Variants in OR11A1 observed in about 807,000 individuals in gnomAD.
OR11A1 encodes olfactory receptor 11A1.
For synonymous variants in OR11A1, 158 were observed against 152.2 expected (o/e 1.04, Z -0.28); for missense variants, 380 against 378.2 (o/e 1.00, Z -0.04).
In OR11A1 at chr6:29,427,139, C is replaced by A. The variant is rs1354315360; in HGVS notation, c.503G>T (p.Arg168Met). Residue 168 changes from arginine (R) to methionine (M), a missense_variant, in exon 5 of 5, where the codon AGG becomes ATG. Transcript: ENST00000377149. ...GLVVALVAQL[R>M]FCGPNHIDQF... ...GTCAATGTGGTTGGGGCCACAGAAC[C>A]TCAGCTGGGCCACCAGGGCCACAAC... 6.2e-7 allele frequency: 1 copy of A among 1,613,012 alleles called. No homozygotes were observed. The highest frequency in any genetic ancestry group is 8.5e-7 in the Non-Finnish European group (1 of 1,180,012).
At chr6:29,431,790 T>TA in intron 2 of OR11A1, 74 bp downstream of exon 2, 3 of 875,536 alleles carry the variant, frequency 3.4e-6, no homozygotes, top group Non-Finnish European at 4.1e-6. Flanking sequence ...TAAACAGCTA[T>TA]AAAAACCAGC....
chr6:29,451,059 G>A (rs565576356), intron 1 of OR11A1, among the ~76,000 whole-genome samples: 14 of 152,118 alleles, frequency 9.2e-5, no homozygotes, highest in South Asian at 8.3e-4. Context: ...AAATAATGCC[G>A]CACACCTACA....
In OR11A1 at chr6:29,428,971, T is replaced by C. The variant is rs1360405550; in HGVS notation, c.-139-11A>G. ...ATATGTGTTTATTAACTGAAGACAA[T>C]GAGAGAGAATACAGGGAATGATTAG... On this transcript the variant is annotated splice_polypyrimidine_tract_variant and intron_variant, in intron 3 of 4. Transcript: ENST00000377149. 8 of 943,202 alleles carry C rather than the reference T, an allele frequency of 8.5e-6. No homozygotes were observed. The highest frequency in any genetic ancestry group is 1.0e-5 in the Non-Finnish European group (8 of 792,306). 58.4% of individuals were successfully genotyped at this position (943,202 alleles called of 1,614,324 possible). A position where few individuals can be genotyped will look rare whatever the true frequency, so the allele number is the denominator to read the frequency against.
intron 1 of OR11A1, among the ~76,000 whole-genome samples, chr6:29,454,552 G>A (rs1785818906): frequency 6.6e-6 from 1 of 152,104 alleles, no homozygotes; most frequent in African/African-American, 2.4e-5. Flanking sequence ...AAAACAATTT[G>A]GCAGGTTTTT....
intron 1 of OR11A1, among the ~76,000 whole-genome samples, chr6:29,454,932 G>A (rs1382043356): frequency 6.6e-6 from 1 of 151,646 alleles, no homozygotes; most frequent in Non-Finnish European, 1.5e-5. Flanking sequence ...CTAAGATCAA[G>A]TGTAAAAAAG....
chr6:29,448,462 TTTGGATGCCCCATAAGGGTCAC>T (rs1785006492), intron 1 of OR11A1, among the ~76,000 whole-genome samples: 1 of 152,202 alleles, frequency 6.6e-6, no homozygotes, highest in African/African-American at 2.4e-5. Flanking sequence ...TGTTGCCACA[TTTGGATGCCCCATAAGGGTCAC>T]TTGAGAAAAT....
chr6:29,431,263 T>A (rs1783209098), intron 2 of OR11A1, among the ~76,000 whole-genome samples: 1 of 152,092 alleles, frequency 6.6e-6, no homozygotes, highest in African/African-American at 2.4e-5. Context: ...TTTATTCTCA[T>A]ATTTTGAAAT....
At chr6:29,450,838 T>G (rs1195385989) in intron 1 of OR11A1, among the ~76,000 whole-genome samples, 1 of 152,222 alleles carries the variant, frequency 6.6e-6, no homozygotes, top group Non-Finnish European at 1.5e-5. Context: ...ACCCATGACA[T>G]TTTTCACAGA....
In OR11A1 at chr6:29,441,006, C is replaced by T. The variant is rs757632294; in HGVS notation, c.-388-9019G>A. On this transcript the variant is annotated intron_variant, in intron 1 of 4. Coordinates refer to ENST00000377149, the MANE Select transcript of OR11A1 (RefSeq NM_001394828.1). ...AGTGCTCTGAGTCAGTCCCAAATACCTAAGGATCAAAGAGTCTCCCTTAAG... is the reference window on the plus strand; with the variant it reads ...AGTGCTCTGAGTCAGTCCCAAATACTTAAGGATCAAAGAGTCTCCCTTAAG... The T allele has an allele frequency of 7.7e-5, 91 of 1,177,062 alleles. 1 individual carries two copies. The highest frequency in any genetic ancestry group is 1.1e-4 in the Non-Finnish European group (88 of 818,374). The allele number at this position is 1,177,062 out of a possible 1,614,324, so 72.9% of individuals were successfully genotyped here.
intron 1 of OR11A1, among the ~76,000 whole-genome samples, chr6:29,432,503 C>T (rs17177618): frequency 0.059 from 8,964 of 152,194 alleles, 314 homozygotes; most frequent in African/African-American, 0.092. Flanking sequence ...GCCTCCAAAT[C>T]GCCCTCTTAC....
intron 1 of OR11A1, among the ~76,000 whole-genome samples, chr6:29,456,642 T>C (rs1786343818): frequency 6.6e-6 from 1 of 152,062 alleles, no homozygotes; most frequent in Non-Finnish European, 1.5e-5. Context: ...AAAATACACA[T>C]ACACAAAAGA....
rs1421430732 is a variant in OR11A1, at chr6:29,426,670, A to C, written c.*24T>G. ...CCCCAGTGGAGGTGTCCGAAGTCCA[A>C]AATAACATCTTCATTACTCTCCTTC... On this transcript the variant is annotated 3_prime_UTR_variant, in exon 5 of 5. Transcript: ENST00000377149. 6 of 1,577,848 alleles carry C rather than the reference A, an allele frequency of 3.8e-6. No homozygotes were observed. The African/African-American group carries it at 8.1e-5, about 21-fold the overall frequency.
At chr6:29,428,300 G>C (rs1782994885) in intron 4 of OR11A1, 1 of 985,202 alleles carries the variant, frequency 1.0e-6, no homozygotes, top group Non-Finnish European at 1.2e-6. Flanking sequence ...GGAGTTGGTA[G>C]TGAAAATGTG....
In OR11A1 at chr6:29,430,341, A is replaced by T. The variant is rs1037601729; in HGVS notation, c.-180T>A. On this transcript the variant is annotated 5_prime_UTR_variant, in exon 3 of 5. Transcript: ENST00000377149. ...GCATTTCCTTGTGAGTGAATCTGGCACTCCCTATGTGGGCCATCTTTAACT... is the reference window on the plus strand; with the variant it reads ...GCATTTCCTTGTGAGTGAATCTGGCTCTCCCTATGTGGGCCATCTTTAACT... 1.0e-6 allele frequency: 1 copy of T among 985,164 alleles called. No homozygotes were observed. The highest frequency in any genetic ancestry group is 1.2e-6 in the Non-Finnish European group (1 of 829,918). The allele number at this position is 985,164 out of a possible 1,614,324, so 61.0% of individuals were successfully genotyped here.
At chr6:29,444,901 C>A (rs890270960) in intron 1 of OR11A1, among the ~76,000 whole-genome samples, 2 of 152,236 alleles carry the variant, frequency 1.3e-5, no homozygotes, top group Non-Finnish European at 2.9e-5. Flanking sequence ...CTCCTACCAA[C>A]CTTTCTCCCT....
At chr6:29,452,053 A>G (rs1785461888) in intron 1 of OR11A1, among the ~76,000 whole-genome samples, 1 of 152,218 alleles carries the variant, frequency 6.6e-6, no homozygotes, top group Non-Finnish European at 1.5e-5. Flanking sequence ...GGAGACCATT[A>G]TCCTAAACAA....
chr6:29,428,161 C>A, intron 4 of OR11A1: 3 of 823,808 alleles, frequency 3.6e-6, no homozygotes, highest in Non-Finnish European at 4.4e-6. Flanking sequence ...TCATTCTTCT[C>A]ATTATCTCAA....
intron 4 of OR11A1, chr6:29,428,275 T>C: frequency 2.0e-6 from 2 of 985,472 alleles, no homozygotes; most frequent in East Asian, 1.1e-4. Flanking sequence ...AATAGTAGTT[T>C]CATCAAGTCA....
At chr6:29,437,089 G>A (rs1037626727) in intron 1 of OR11A1, among the ~76,000 whole-genome samples, 20 of 152,194 alleles carry the variant, frequency 1.3e-4, no homozygotes, top group African/African-American at 4.8e-4. Context: ...CGCTGTTGGT[G>A]GGACTGTAAA....
Sources: gnomAD v4.1 joint callset for allele counts (sites outside exome capture counted in the v4.1 genomes callset) on GRCh38, gnomAD v4.1.1 for gene constraint, MANE v1.5 for transcripts, NCBI Gene and HGNC (gene_info 2026-07-23, HGNC 2026-07-21) for gene names.